DENND1A: variants seen among roughly 807,000 people sequenced by gnomAD.
DENND1A encodes the protein DENN domain containing 1A, also known as DENN domain-containing protein 1A.
DENND1A carries 51 observed loss-of-function variants against 113.7 expected under a neutral mutation model. The observed-to-expected ratio is 0.45, with a 90% CI of 0.36 to 0.57. The LOEUF is 0.57. Ranked by LOEUF, DENND1A falls within the 20% of genes least tolerant of loss-of-function variation. The pLI is 0.00. For missense variants in DENND1A, 1,258 were observed against 1,395.9 expected (o/e 0.90, Z 1.57); for synonymous variants, 565 against 570.8 (o/e 0.99, Z 0.14).
intron 13 of DENND1A, among the ~76,000 whole-genome samples, chr9:123,535,558 C>T (rs997729837): frequency 6.6e-6 from 1 of 152,230 alleles, no homozygotes; most frequent in Non-Finnish European, 1.5e-5. Flanking sequence ...GTTCACTCTG[C>T]TTTAGCCATG....
intron 11 of DENND1A, among the ~76,000 whole-genome samples, chr9:123,591,991 A>G (rs541984262): frequency 6.6e-6 from 1 of 152,362 alleles, no homozygotes; most frequent in African/African-American, 2.4e-5. Context: ...CTGCTTCTGT[A>G]CTGTGTAAAC....
intron 13 of DENND1A, among the ~76,000 whole-genome samples, chr9:123,536,856 A>G (rs2055821758): frequency 6.6e-6 from 1 of 152,182 alleles, no homozygotes; most frequent in South Asian, 2.1e-4. Flanking sequence ...ACCACCACCA[A>G]AAACAACAGA....
At chr9:123,532,970 A>T (rs375752207) in intron 13 of DENND1A, among the ~76,000 whole-genome samples, 6 of 152,254 alleles carry the variant, frequency 3.9e-5, no homozygotes, top group African/African-American at 1.4e-4. Context: ...TGGTAGCTTC[A>T]CCAGGAGTTG....
At chr9:123,826,167 T>C (rs56275550) in intron 2 of DENND1A, among the ~76,000 whole-genome samples, 3,583 of 152,294 alleles carry the variant, frequency 0.024, 156 homozygotes, top group African/African-American at 0.081. Context: ...ATACAAAAGA[T>C]CCTTGATGTG....
At chr9:123,920,876 G>A (rs1405371823) in intron 1 of DENND1A, among the ~76,000 whole-genome samples, 1 of 152,008 alleles carries the variant, frequency 6.6e-6, no homozygotes, top group Non-Finnish European at 1.5e-5. Context: ...CCTGGCTGGG[G>A]ACATAAGTGT....
At chr9:123,643,899 G>A (rs918944241) in intron 9 of DENND1A, among the ~76,000 whole-genome samples, 6 of 152,188 alleles carry the variant, frequency 3.9e-5, no homozygotes, top group South Asian at 2.1e-4. Context: ...CAAAGGTGAC[G>A]ACGACCAGGC....
intron 1 of DENND1A, chr9:123,928,518 T>C (rs1307713991): frequency 7.2e-6 from 7 of 974,056 alleles, no homozygotes; most frequent in Non-Finnish European, 8.5e-6. Context: ...GTTTGGAGCA[T>C]GCTTCTAACT....
chr9:123,777,963 G>C (rs1830703177), intron 3 of DENND1A, among the ~76,000 whole-genome samples: 1 of 152,034 alleles, frequency 6.6e-6, no homozygotes, highest in Admixed American at 6.6e-5. Context: ...AGAAAGAATA[G>C]GAAGATATAA....
chr9:123,896,521 C>T (rs1273014515), intron 1 of DENND1A, among the ~76,000 whole-genome samples: 2 of 152,032 alleles, frequency 1.3e-5, no homozygotes, highest in Non-Finnish European at 2.9e-5. Flanking sequence ...CCTGGGGAAA[C>T]AAGGCCCATA....
At chr9:123,782,720 A>G (rs1458938771) in intron 3 of DENND1A, among the ~76,000 whole-genome samples, 14 of 152,368 alleles carry the variant, frequency 9.2e-5, no homozygotes. Context: ...CTTCTAGACA[A>G]ACAACCTAGA....
chr9:123,676,903 C>A, intron 5 of DENND1A, 114 bp from the exon 6 acceptor site: 1 of 956,662 alleles, frequency 1.0e-6, no homozygotes, highest in Admixed American at 1.9e-5. Context: ...GAAGAGTCTT[C>A]CTGTCACAGA....
intron 5 of DENND1A, among the ~76,000 whole-genome samples, chr9:123,734,839 A>AT (rs1292915073): frequency 1.3e-5 from 2 of 151,876 alleles, no homozygotes; most frequent in East Asian, 1.9e-4. Context: ...TGGGAAAATA[A>AT]TTTTTTTTAT....
At chr9:123,464,816 G>A (rs1225143381) in intron 13 of DENND1A, among the ~76,000 whole-genome samples, 3 of 151,694 alleles carry the variant, frequency 2.0e-5, no homozygotes, top group African/African-American at 7.3e-5. Flanking sequence ...TGGGAGATGG[G>A]TTCACTGACT....
chr9:123,392,602 C>A (rs1474497275), intron 21 of DENND1A, among the ~76,000 whole-genome samples: 1 of 152,206 alleles, frequency 6.6e-6, no homozygotes, highest in African/African-American at 2.4e-5. Context: ...ACTACCCTCC[C>A]CTTCCTAGTC....
At chr9:123,384,017 G>A (rs2042427884) in intron 22 of DENND1A, 104 bp from the exon 23 acceptor site, 2 of 1,460,860 alleles carry the variant, frequency 1.4e-6, no homozygotes, top group Non-Finnish European at 1.8e-6. Context: ...TGCACGCAGG[G>A]GCCTGCGGGA....
chr9:123,781,844 T>C (rs928115054), intron 3 of DENND1A, among the ~76,000 whole-genome samples: 4 of 152,056 alleles, frequency 2.6e-5, no homozygotes, highest in African/African-American at 9.7e-5. Flanking sequence ...CCAAGGTGGG[T>C]GGATCACCTG....
At chr9:123,586,684 G>A (rs976485502) in intron 11 of DENND1A, among the ~76,000 whole-genome samples, 2 of 152,172 alleles carry the variant, frequency 1.3e-5, no homozygotes, top group African/African-American at 4.8e-5. Flanking sequence ...AGCCCAGCTC[G>A]CTGGACAGTG....
intron 1 of DENND1A, among the ~76,000 whole-genome samples, chr9:123,882,513 A>T (rs1274388073): frequency 6.6e-6 from 1 of 152,090 alleles, no homozygotes. Context: ...TGATTCTACC[A>T]TCAAAATACA....
chr9:123,498,937 G>C (rs1195827646), intron 13 of DENND1A, among the ~76,000 whole-genome samples: 1 of 151,838 alleles, frequency 6.6e-6, no homozygotes. Context: ...TGGCCAGGCT[G>C]GTCTTGAACT....
Sources: allele counts gnomAD v4.1 joint callset (sites outside exome capture counted in the v4.1 genomes callset), GRCh38; gene constraint gnomAD v4.1.1; transcripts MANE v1.5; gene names NCBI Gene and HGNC (gene_info 2026-07-23, HGNC 2026-07-21).